PDLIM5: variants seen among roughly 807,000 people sequenced by gnomAD.
PDLIM5 encodes PDZ and LIM domain protein 5.
Under a neutral mutation model 64.2 loss-of-function variants are expected in PDLIM5, and 34 were observed. The ratio of observed to expected loss-of-function variants is 0.53; its 90% CI spans 0.40 to 0.71. The LOEUF (loss-of-function observed/expected upper bound fraction) is 0.71, where lower values mean the gene tolerates loss of function less well. Among genes scored for constraint, PDLIM5 ranks in the 30% least tolerant of loss-of-function variants. The pLI, the probability that PDLIM5 is intolerant of heterozygous loss-of-function variation, is 0.00. For synonymous variants in PDLIM5, 253 were observed against 269.1 expected (o/e 0.94, Z 0.59); for missense variants, 683 against 733.6 (o/e 0.93, Z 0.80).
chr4:94,505,776 C>T lies in PDLIM5; in HGVS notation c.97-17948C>T, dbSNP rs182855897. ...GCAGGGCGTATGAAAAGGGGAACAG[C>T]GCTTCTATGCCCTTTCTGGGAGCCA... On this transcript the variant is annotated intron_variant, in intron 2 of 12. Coordinates refer to ENST00000317968, the MANE Select transcript of PDLIM5 (RefSeq NM_006457.5). 1.8e-3 allele frequency among the ~76,000 whole-genome samples: 268 copies of T among 152,310 alleles called. 1 individual carries two copies. Among genetic ancestry groups the T allele is most frequent in the Non-Finnish European group, 6.0e-4 (41 of 68,026 alleles).
At chr4:94,663,952 T>C (rs1360703333) in intron 12 of PDLIM5, 26 bp from the exon 13 acceptor site, 2 of 1,585,772 alleles carry the variant, frequency 1.3e-6, no homozygotes, top group Admixed American at 1.7e-5. Context: ...TTAAATAATA[T>C]CTCTTAAATG....
intron 10 of PDLIM5, 136 bp from the exon 11 acceptor site, chr4:94,657,291 G>A: frequency 1.7e-6 from 1 of 578,290 alleles, no homozygotes; most frequent in African/African-American, 1.9e-5. Flanking sequence ...TTGAGGGAAA[G>A]CTCAAGACAA....
At chr4:94,463,092 A>G (rs1724042939) in intron 2 of PDLIM5, among the ~76,000 whole-genome samples, 1 of 152,232 alleles carries the variant, frequency 6.6e-6, no homozygotes, top group Non-Finnish European at 1.5e-5. Context: ...TCTCTATCTT[A>G]ACCTATTACT....
intron 8 of PDLIM5, among the ~76,000 whole-genome samples, chr4:94,626,785 G>A: frequency 6.6e-6 from 1 of 150,904 alleles, no homozygotes. Flanking sequence ...ATGTTGTTTC[G>A]GTGTTTTTTT....
intron 7 of PDLIM5, among the ~76,000 whole-genome samples, chr4:94,609,407 C>A (rs971920958): frequency 2.0e-5 from 3 of 151,926 alleles, no homozygotes; most frequent in Non-Finnish European, 2.9e-5. Flanking sequence ...TTCTAAAAGG[C>A]CAAGGGAAAA....
chr4:94,484,403 C>T (rs547280714), intron 2 of PDLIM5, among the ~76,000 whole-genome samples: 18 of 152,148 alleles, frequency 1.2e-4, no homozygotes, highest in Non-Finnish European at 2.4e-4. Flanking sequence ...TTTGAAAATA[C>T]GAACTTTGGA....
chr4:94,645,458 C>G (rs1741339007), intron 9 of PDLIM5, among the ~76,000 whole-genome samples: 1 of 152,178 alleles, frequency 6.6e-6, no homozygotes, highest in South Asian at 2.1e-4. Flanking sequence ...GATGGAAATA[C>G]AGAGGCTTAG....
At chr4:94,659,494 A>ATGTGTGTGTGTG (rs1163008328) in intron 11 of PDLIM5, among the ~76,000 whole-genome samples, 10 of 109,114 alleles carry the variant, frequency 9.2e-5, no homozygotes, top group African/African-American at 1.4e-4. Flanking sequence ...ATATGTGTGT[A>ATGTGTGTGTGTG]TGTGTGTGTG....
At chr4:94,581,932 T>C (rs1031037301) in intron 5 of PDLIM5, among the ~76,000 whole-genome samples, 2 of 152,200 alleles carry the variant, frequency 1.3e-5, no homozygotes, top group East Asian at 3.8e-4. Context: ...GCAATAATTA[T>C]ATCACTGATA....
chr4:94,640,279 C>A lies in PDLIM5; in HGVS notation c.1112C>A (p.Pro371His). 1 of 1,588,970 alleles carries A rather than the reference C, an allele frequency of 6.3e-7. No individual in the cohort carries two copies. Among genetic ancestry groups the A allele is most frequent in the South Asian group, 1.1e-5 (1 of 89,494 alleles). ...PSWQRPNQGV[P>H]STGRISNSAT... ...ATTCTTCTGTTTTAACTCCTAGTAC[C>A]TTCCACTGGAAGAATCTCAAACAGC... Residue 371 changes from proline (P) to histidine (H), a missense_variant, in exon 9 of 13, where the codon CCT (proline) becomes CAT (histidine). Transcript: ENST00000317968.
Position 94,499,157 on chromosome 4 carries a change from G to A in PDLIM5, c.97-24567G>A, listed in dbSNP as rs895344180. Among the ~76,000 whole-genome samples the A allele has an allele frequency of 1.2e-4, 19 of 152,206 alleles. 1 individual carries two copies. The East Asian group carries it at 2.5e-3, about 20-fold the overall frequency. ...GTTAATAGATATTTCTGGAAAAAGC[G>A]AAGCCTTCTCTGAAAAATAAAGTCT... is the stretch of plus-strand genomic sequence containing the variant. On this transcript the variant is annotated intron_variant, in intron 2 of 12. Coordinates refer to ENST00000317968, the MANE Select transcript of PDLIM5 (RefSeq NM_006457.5).
At chr4:94,608,231 A>T (rs753755683) in intron 7 of PDLIM5, 9 of 1,286,552 alleles carry the variant, frequency 7.0e-6, no homozygotes, top group Non-Finnish European at 9.7e-6. Context: ...AGTGAATTTA[A>T]ATATACTAAA....
chr4:94,615,584 A>G (rs1738715922), intron 7 of PDLIM5, among the ~76,000 whole-genome samples: 1 of 152,180 alleles, frequency 6.6e-6, no homozygotes, highest in South Asian at 2.1e-4. Flanking sequence ...GCATAGTGAT[A>G]GGAGATAAGA....
chr4:94,538,322 A>G (rs555057551), intron 3 of PDLIM5, among the ~76,000 whole-genome samples: 8 of 152,330 alleles, frequency 5.3e-5, no homozygotes, highest in Non-Finnish European at 1.2e-4. Flanking sequence ...AATTCATAGC[A>G]TTTTAGAGTT....
intron 3 of PDLIM5, among the ~76,000 whole-genome samples, chr4:94,552,193 T>C (rs1244916455): frequency 2.0e-5 from 3 of 152,162 alleles, no homozygotes; most frequent in Admixed American, 6.6e-5. Context: ...ATCATCACAG[T>C]TAACTATTTT....
At position 94,455,137 on chromosome 4, in the gene PDLIM5, A is replaced by G; in HGVS notation, c.-42-110A>G. 6 of 540,226 alleles carry G rather than the reference A, an allele frequency of 1.1e-5. No homozygotes were observed. The South Asian group carries it at 1.2e-4, about 11-fold the overall frequency. The allele number at this position is 540,226 out of a possible 1,614,324, so 33.5% of individuals were successfully genotyped here. On this transcript the variant is annotated intron_variant, in intron 1 of 12. Transcript: ENST00000317968. Reference sequence around the variant, plus strand: ...CTGAAATTAATGAAGAACTTAATTAAGACTTATCTTCTATATCCTCTCACC... The same window carrying G: ...CTGAAATTAATGAAGAACTTAATTAGGACTTATCTTCTATATCCTCTCACC...
At chr4:94,514,133 CTTTTTT>C (rs34757067) in intron 2 of PDLIM5, among the ~76,000 whole-genome samples, 1 of 115,138 alleles carries the variant, frequency 8.7e-6, no homozygotes, top group Non-Finnish European at 1.7e-5. Context: ...CTAGTATTTT[CTTTTTT>C]TTTTTTTTTT....
intron 7 of PDLIM5, among the ~76,000 whole-genome samples, chr4:94,594,725 A>G (rs1167777749): frequency 6.6e-6 from 1 of 152,192 alleles, no homozygotes; most frequent in Non-Finnish European, 1.5e-5. Context: ...CAATCTTTGT[A>G]GTTTCAAATT....
intron 8 of PDLIM5, among the ~76,000 whole-genome samples, chr4:94,626,775 ATGT>A (rs1739731510): frequency 1.3e-5 from 2 of 151,000 alleles, no homozygotes. Context: ...GAGATCTGAT[ATGT>A]TGTTTCGGTG....
Sources: gnomAD v4.1 joint callset for allele counts (sites outside exome capture counted in the v4.1 genomes callset) on GRCh38, gnomAD v4.1.1 for gene constraint, MANE v1.5 for transcripts, NCBI Gene and HGNC (gene_info 2026-07-23, HGNC 2026-07-21) for gene names.